Variants in NPL observed in about 807,000 individuals in gnomAD.
The protein encoded by NPL is N-acetylneuraminate lyase.
In NPL, 32 loss-of-function variants were observed where a neutral mutation model predicts 41.1. The ratio of observed to expected loss-of-function variants is 0.78; its 90% CI spans 0.59 to 1.05. The LOEUF (loss-of-function observed/expected upper bound fraction) is 1.05. Among genes scored for constraint, NPL ranks in the 50% least tolerant of loss-of-function variants. NPL has a pLI of 0.00. For missense variants in NPL, 321 were observed against 378.4 expected (o/e 0.85, Z 1.26); for synonymous variants, 128 against 134.9 (o/e 0.95, Z 0.35).
At chr1:182,791,388 G>C (rs1666512065) in intron 1 of NPL, 1 of 152,156 alleles carries the variant, frequency 6.6e-6, no homozygotes, top group Non-Finnish European at 1.5e-5. Flanking sequence ...TTGTTCAGCT[G>C]GGCAAGTATA....
rs76927013 is a variant in NPL, at chr1:182,796,750, C to T, written c.68+2311C>T. 4.4e-3 allele frequency among the ~76,000 whole-genome samples: 669 copies of T among 152,032 alleles called. 4 individuals carry two copies. Among genetic ancestry groups the T allele is most frequent in the Non-Finnish European group, 6.2e-3 (424 of 67,904 alleles). On this transcript the variant is annotated intron_variant, in intron 3 of 12. Coordinates refer to ENST00000367553, the MANE Select transcript of NPL (RefSeq NM_030769.3). ...GAGATCTTGTCACCTTTTGAGAGCTCTCTCGGCCGGGCACGGTGGCTCATG... is the reference window on the plus strand; with the variant it reads ...GAGATCTTGTCACCTTTTGAGAGCTTTCTCGGCCGGGCACGGTGGCTCATG...
intron 3 of NPL, among the ~76,000 whole-genome samples, chr1:182,796,715 C>T (rs998923145): frequency 2.6e-5 from 4 of 152,036 alleles, no homozygotes; most frequent in African/African-American, 2.4e-5. Context: ...GTTAGCTCTC[C>T]GACCCTGGGG....
intron 5 of NPL, among the ~76,000 whole-genome samples, chr1:182,808,213 T>C (rs562168503): frequency 6.6e-6 from 1 of 152,326 alleles, no homozygotes; most frequent in African/African-American, 2.4e-5. Flanking sequence ...GCAGGCACAG[T>C]TCACATAACA....
intron 7 of NPL, among the ~76,000 whole-genome samples, chr1:182,815,885 G>A (rs1160837392): frequency 6.6e-6 from 1 of 152,222 alleles, no homozygotes; most frequent in Non-Finnish European, 1.5e-5. Flanking sequence ...TTACAGGCAT[G>A]AGCCACTGTG....
At chr1:182,807,549 G>A (rs940187732) in intron 5 of NPL, among the ~76,000 whole-genome samples, 1 of 151,948 alleles carries the variant, frequency 6.6e-6, no homozygotes, top group Admixed American at 6.6e-5. Flanking sequence ...ACCATGGGCA[G>A]AGTGTGAAAA....
At chr1:182,794,732 G>T (rs6692809) in intron 3 of NPL, among the ~76,000 whole-genome samples, 17,716 of 152,188 alleles carry the variant, frequency 0.12, 1,756 homozygotes, top group African/African-American at 0.26. Flanking sequence ...AATTCTCCTT[G>T]GATTTCACCA....
chr1:182,790,066 G>C (rs76603853), intron 1 of NPL, among the ~76,000 whole-genome samples: 1 of 152,354 alleles, frequency 6.6e-6, no homozygotes, highest in East Asian at 1.9e-4. Flanking sequence ...GGTCTCCAAA[G>C]GTCCTTTCCT....
chr1:182,830,371 G>C lies in NPL; in HGVS notation c.*1463G>C, dbSNP rs983923115. 13 of 152,084 alleles carry C rather than the reference G, an allele frequency of 8.5e-5. No homozygotes were observed. Among genetic ancestry groups the C allele is most frequent in the African/African-American group, 2.7e-4 (11 of 41,388 alleles). The allele number at this position is 152,084 out of a possible 1,614,324, so 9.4% of individuals were successfully genotyped here. On this transcript the variant is annotated 3_prime_UTR_variant, in exon 13 of 13. Coordinates refer to ENST00000367553, the MANE Select transcript of NPL (RefSeq NM_030769.3). The stretch of plus-strand genomic sequence containing the variant: ...AATTCTTGGGTATCCAATAAACAAA[G>C]AACTATTTTTCTATTTTTGCTTTTG...
chr1:182,794,305 A>G, intron 2 of NPL, 51 bp from the exon 3 acceptor site: 1 of 1,487,908 alleles, frequency 6.7e-7, no homozygotes, highest in Non-Finnish European at 9.4e-7. Context: ...TGGGAGTTTT[A>G]TCATTGACAT....
intron 5 of NPL, 100 bp downstream of exon 5, chr1:182,806,332 C>A (rs768009608): frequency 1.9e-6 from 3 of 1,569,514 alleles, no homozygotes; most frequent in Non-Finnish European, 2.6e-6. Context: ...TGGTCAGAGC[C>A]GGGGCTTGAG....
rs186838498 is a variant in NPL at position 182,820,091 on chromosome 1, A to C, written c.653+1232A>C. 2.9e-3 allele frequency among the ~76,000 whole-genome samples: 441 copies of C among 152,320 alleles called. 3 individuals carry two copies. Among genetic ancestry groups the C allele is most frequent in the Non-Finnish European group, 5.1e-3 (345 of 68,020 alleles). On this transcript the variant is annotated intron_variant, in intron 10 of 12. Transcript: ENST00000367553. The stretch of plus-strand genomic sequence containing the variant: ...CCAGATGGGCTTTCTCTGCTTTAGC[A>C]TGCACATGGCCAGTCATGGCTGCCC...
At position 182,806,295 on chromosome 1, in the gene NPL, C is replaced by A. The variant is rs979206712; in HGVS notation, c.230+63C>A. On this transcript the variant is annotated intron_variant, in intron 5 of 12. Transcript: ENST00000367553. ...ACAGCTGTATTCAGTGAGCCTCTTC[C>A]CCAGAGGATACGCCCTCCCTGCTTC... 3.1e-6 allele frequency: 5 copies of A among 1,607,192 alleles called. No individual in the cohort carries two copies. The African/African-American group carries it at 5.3e-5, about 17-fold the overall frequency.
chr1:182,808,652 C>T (rs1229040180), intron 5 of NPL, among the ~76,000 whole-genome samples: 1 of 152,100 alleles, frequency 6.6e-6, no homozygotes, highest in African/African-American at 2.4e-5. Flanking sequence ...ATTAAAGATA[C>T]AGAAAAGACT....
intron 2 of NPL, among the ~76,000 whole-genome samples, chr1:182,793,485 C>T (rs746133748): frequency 6.6e-6 from 1 of 152,156 alleles, no homozygotes; most frequent in African/African-American, 2.4e-5. Flanking sequence ...ACATATTCTT[C>T]GCTCTTGAAT....
intron 2 of NPL, among the ~76,000 whole-genome samples, chr1:182,793,878 A>T (rs1666583162): frequency 6.6e-6 from 1 of 152,142 alleles, no homozygotes; most frequent in African/African-American, 2.4e-5. Context: ...CCAAATACGG[A>T]TAGAAAATCA....
intron 12 of NPL, among the ~76,000 whole-genome samples, chr1:182,827,923 T>A (rs73063071): frequency 0.014 from 2,161 of 152,344 alleles, 56 homozygotes; most frequent in African/African-American, 0.05. Flanking sequence ...GCTAGGACAC[T>A]GTAGTTCCAC....
chr1:182,820,798 A>G (rs1571274996), intron 10 of NPL, among the ~76,000 whole-genome samples: 1 of 151,798 alleles, frequency 6.6e-6, no homozygotes, highest in African/African-American at 2.4e-5. Flanking sequence ...TAATCCAATC[A>G]CCTCCCACCA....
At chr1:182,811,075 A>G (rs1667163148) in intron 5 of NPL, among the ~76,000 whole-genome samples, 1 of 130,066 alleles carries the variant, frequency 7.7e-6, no homozygotes, top group African/African-American at 4.3e-5. Context: ...TAAGTCAACA[A>G]TTAGCCAGTG....
At chr1:182,818,484 T>A in intron 8 of NPL, 57 bp from the exon 9 acceptor site, 1 of 1,597,392 alleles carries the variant, frequency 6.3e-7, no homozygotes, top group South Asian at 1.1e-5. Context: ...TGACACTATA[T>A]GAGATGTTAT....
Sources: gnomAD v4.1 joint callset for allele counts (sites outside exome capture counted in the v4.1 genomes callset) on GRCh38, gnomAD v4.1.1 for gene constraint, MANE v1.5 for transcripts, NCBI Gene and HGNC (gene_info 2026-07-23, HGNC 2026-07-21) for gene names.